Variants in LRRC43 observed in about 807,000 individuals in gnomAD.
LRRC43 encodes the protein leucine rich repeat containing 43, also known as leucine-rich repeat-containing protein 43.
Under a neutral mutation model 64.3 loss-of-function variants are expected in LRRC43, and 62 were observed. The observed-to-expected ratio is 0.96, with a 90% confidence interval of 0.79 to 1.19. The LOEUF is 1.19. Among genes scored for constraint, LRRC43 ranks in the 50% most tolerant of loss-of-function variants. The pLI is 0.00. For synonymous variants in LRRC43, 422 were observed against 382.3 expected (o/e 1.10, Z -1.21); for missense variants, 868 against 845.0 (o/e 1.03, Z -0.34).
chr12:122,185,197 A>G (rs1244527648), intron 2 of LRRC43, among the ~76,000 whole-genome samples: 1 of 152,228 alleles, frequency 6.6e-6, no homozygotes, highest in Non-Finnish European at 1.5e-5. Flanking sequence ...CAGTCTCGGC[A>G]TGGTGGCTCT....
chr12:122,201,047 G>A, intron 10 of LRRC43, 113 bp downstream of exon 10: 2 of 1,329,964 alleles, frequency 1.5e-6, no homozygotes, highest in East Asian at 2.4e-5. Context: ...GGAGGTGGTG[G>A]GGAGGGCCTT....
At chr12:122,172,305 A>G (rs886453318) in intron 1 of LRRC43, 11 of 816,518 alleles carry the variant, frequency 1.3e-5, no homozygotes, top group Middle Eastern at 4.7e-4. Context: ...GAGATTATTC[A>G]TTGGAAAAAT....
At chr12:122,189,411 G>C (rs1369567346) in intron 4 of LRRC43, 11 of 456,528 alleles carry the variant, frequency 2.4e-5, no homozygotes, top group Non-Finnish European at 3.5e-5. Flanking sequence ...CTGCTCTTAG[G>C]GGAAGAGTGA....
At chr12:122,198,760 G>A (rs1444780420) in intron 7 of LRRC43, among the ~76,000 whole-genome samples, 2 of 141,254 alleles carry the variant, frequency 1.4e-5, no homozygotes, top group African/African-American at 5.3e-5. Context: ...TTCCCAAGTA[G>A]CTGGGCTTAC....
upstream of LRRC43, chr12:122,183,051 G>A (rs1056257830): frequency 1.0e-4 from 151 of 1,461,720 alleles, no homozygotes; most frequent in Middle Eastern, 3.7e-4. Flanking sequence ...GATCCGGATG[G>A]GGGACTTTTC....
chr12:122,176,631 T>C (rs896727823), intron 1 of LRRC43, among the ~76,000 whole-genome samples: 1 of 151,506 alleles, frequency 6.6e-6, no homozygotes, highest in African/African-American at 2.4e-5. Context: ...CTAGCCCTGA[T>C]GAACTTTATT....
At chr12:122,201,445 G>C in intron 11 of LRRC43, 116 bp downstream of exon 11, 4 of 871,746 alleles carry the variant, frequency 4.6e-6, no homozygotes, top group Non-Finnish European at 7.7e-6. Flanking sequence ...CTGGCCTGGG[G>C]AGAGGCCACA....
At chr12:122,198,819 G>C (rs1480073934) in intron 7 of LRRC43, among the ~76,000 whole-genome samples, 1 of 151,428 alleles carries the variant, frequency 6.6e-6, no homozygotes, top group African/African-American at 2.4e-5. Context: ...TTTTAGTAGA[G>C]ATGGGGTTTC....
At chr12:122,185,664 C>T (rs1953634885) in intron 2 of LRRC43, among the ~76,000 whole-genome samples, 1 of 152,176 alleles carries the variant, frequency 6.6e-6, no homozygotes, top group Non-Finnish European at 1.5e-5. Context: ...TAGCAGTTTG[C>T]CAGGGACTTT....
chr12:122,187,110 A>G (rs1953654031), intron 3 of LRRC43, among the ~76,000 whole-genome samples: 1 of 151,424 alleles, frequency 6.6e-6, no homozygotes. Context: ...TGGTGCCTGT[A>G]ATAGCAGCTA....
At chr12:122,190,100 G>T in intron 4 of LRRC43, 30 bp from the exon 5 acceptor site, 2 of 1,588,742 alleles carry the variant, frequency 1.3e-6, no homozygotes, top group South Asian at 2.2e-5. Flanking sequence ...CTGGCTTCTT[G>T]ACCCCCAGAC....
At position 122,174,712 on chromosome 12, in the gene LRRC43, G is replaced by A. The variant is rs144748318; in HGVS notation, c.-406+6930G>A. 3.3e-5 allele frequency among the ~76,000 whole-genome samples: 5 copies of A among 152,198 alleles called. No individual in the cohort carries two copies. In the South Asian group the frequency reaches 6.2e-4, roughly 19 times the overall value. ...ATAACTGCTGTGAATGTGGCGGGTC[G>A]AAGGCTTCATCTCAACTCCATGTGG... On this transcript the variant is annotated intron_variant, in intron 1 of 5. Coordinates refer to the LRRC43 transcript ENST00000537729.
chr12:122,186,309 GC>G lies in LRRC43; in HGVS notation c.522+13del. 1 of 1,559,648 alleles carries G rather than the reference GC, an allele frequency of 6.4e-7. No homozygotes were observed. The highest frequency in any genetic ancestry group is 8.7e-7 in the Non-Finnish European group (1 of 1,144,678). On this transcript the variant is annotated intron_variant, in intron 3 of 11. Coordinates refer to ENST00000339777, the MANE Select transcript of LRRC43 (RefSeq NM_001098519.2). ...TGCCCCCCACACTCAAGGTGAAGGA[GC>G]CCCGGTCTGTGTTGAGTATTTGGGC...
At chr12:122,190,692 G>A (rs1027634308) in intron 5 of LRRC43, among the ~76,000 whole-genome samples, 5 of 152,090 alleles carry the variant, frequency 3.3e-5, no homozygotes, top group Admixed American at 1.3e-4. Context: ...GTGAAACCTC[G>A]TCTGTACTAA....
In LRRC43 at chr12:122,191,552, G is replaced by T. The variant is rs13377703; in HGVS notation, c.1074G>T (p.Ala358=). Residue 358 remains alanine (A), a synonymous_variant, in exon 6 of 12, where the codon GCG becomes GCT. Coordinates refer to ENST00000339777, the MANE Select transcript of LRRC43 (RefSeq NM_001098519.2). ...AAGAAGGCGAAATGAATGAGTCCGCGGGCGTCCTGGCCGAGGTGTGCCCTG... is the reference window on the plus strand; with the variant it reads ...AAGAAGGCGAAATGAATGAGTCCGCTGGCGTCCTGGCCGAGGTGTGCCCTG... ...KDEEGEMNES[A]GVLAEIVKPS... is the part of the protein sequence containing the mutation. 1 of 1,613,896 alleles carries T rather than the reference G, an allele frequency of 6.2e-7. No homozygotes were observed. Among genetic ancestry groups the T allele is most frequent in the South Asian group, 1.1e-5 (1 of 91,050 alleles).
intron 3 of LRRC43, among the ~76,000 whole-genome samples, chr12:122,187,222 C>T (rs1953655183): frequency 6.6e-6 from 1 of 151,988 alleles, no homozygotes; most frequent in Non-Finnish European, 1.5e-5. Context: ...CAGAGCGAGA[C>T]TCCACCTCAA....
rs1312443449 is a variant in LRRC43, at chr12:122,193,101, C to T, written c.1349+97C>T. On this transcript the variant is annotated intron_variant, in intron 7 of 11. Coordinates refer to ENST00000339777, the MANE Select transcript of LRRC43 (RefSeq NM_001098519.2). ...CTTCCATTAAAAGTCCTGAGGCTGG[C>T]GGGGCGCGGTGGCTCACGTCTGTAA... 2.0e-5 allele frequency: 27 copies of T among 1,360,912 alleles called. No individual in the cohort carries two copies. The Admixed American group carries it at 5.0e-4, about 25-fold the overall frequency. 84.3% of individuals were successfully genotyped at this position (1,360,912 alleles called of 1,614,324 possible). A position where few individuals can be genotyped will look rare whatever the true frequency, so the allele number is the denominator to read the frequency against.
intron 1 of LRRC43, among the ~76,000 whole-genome samples, chr12:122,169,281 A>C (rs559640337): frequency 6.6e-6 from 1 of 152,320 alleles, no homozygotes; most frequent in Non-Finnish European, 1.5e-5. Context: ...CTTTGAGGCT[A>C]TGCAGATTTC....
intron 1 of LRRC43, among the ~76,000 whole-genome samples, chr12:122,169,237 TG>T (rs1566001602): frequency 1.3e-5 from 2 of 152,150 alleles, no homozygotes; most frequent in Non-Finnish European, 2.9e-5. Context: ...TGTGGACATA[TG>T]TTAAAGCCAC....
Sources: allele counts gnomAD v4.1 joint callset (sites outside exome capture counted in the v4.1 genomes callset), GRCh38; gene constraint gnomAD v4.1.1; transcripts MANE v1.5; gene names NCBI Gene and HGNC (gene_info 2026-07-23, HGNC 2026-07-21).